Variants in LUZP2 observed in about 807,000 individuals in gnomAD.
LUZP2 encodes leucine zipper protein 2.
A neutral mutation model predicts 51.6 loss-of-function variants in LUZP2; 52 were observed. The observed-to-expected ratio is 1.01, with a 90% CI of 0.81 to 1.27. LUZP2 has a LOEUF of 1.27. Among genes scored for constraint, LUZP2 ranks in the 50% most tolerant of loss-of-function variants. The probability of loss-of-function intolerance (pLI) is 0.00; values close to 1 mark genes in which losing one functional copy is unlikely to be tolerated. For missense variants in LUZP2, 436 were observed against 395.4 expected, an observed-to-expected ratio of 1.10 and a Z score of -0.87; for synonymous variants, 154 against 137.3, an observed-to-expected ratio of 1.12 and a Z score of -0.85.
chr11:24,988,521 A>G lies in LUZP2; in HGVS notation c.765+5228A>G, dbSNP rs561609673. Among the ~76,000 whole-genome samples, 124 of 152,188 alleles carry G rather than the reference A, an allele frequency of 8.1e-4. 2 individuals are homozygous for G. The South Asian group carries it at 0.025, about 30-fold the overall frequency. On this transcript the variant is annotated intron_variant, in intron 9 of 11. Coordinates refer to ENST00000336930, the MANE Select transcript of LUZP2 (RefSeq NM_001009909.4). ...TTGTTACTTTATTATGAGACATGTT[A>G]CTGAATGTTAGAAGAATCTATGGAT...
chr11:24,978,024 C>A (rs1357278976), intron 8 of LUZP2, among the ~76,000 whole-genome samples: 2 of 151,170 alleles, frequency 1.3e-5, no homozygotes, highest in Non-Finnish European at 3.0e-5. Context: ...TGCAATAATT[C>A]ATTTATTTTG....
chr11:25,037,603 T>C (rs146743477), intron 9 of LUZP2, among the ~76,000 whole-genome samples: 3 of 152,308 alleles, frequency 2.0e-5, no homozygotes, highest in African/African-American at 7.2e-5. Flanking sequence ...GTGCAGTTTT[T>C]TTAAATCTAT....
intron 2 of LUZP2, among the ~76,000 whole-genome samples, chr11:24,729,643 A>G (rs1858639413): frequency 6.6e-6 from 1 of 151,982 alleles, no homozygotes. Flanking sequence ...TCCCCACGGG[A>G]TAATTCTTAA....
intron 5 of LUZP2, among the ~76,000 whole-genome samples, chr11:24,827,325 A>C (rs932319094): frequency 1.3e-5 from 2 of 152,206 alleles, no homozygotes; most frequent in African/African-American, 4.8e-5. Flanking sequence ...AAGATAACTT[A>C]CAATATCTTT....
intron 5 of LUZP2, among the ~76,000 whole-genome samples, chr11:24,783,082 T>C (rs1290580487): frequency 6.6e-6 from 1 of 152,066 alleles, no homozygotes; most frequent in Non-Finnish European, 1.5e-5. Flanking sequence ...CTATAGACTT[T>C]GAAATAAATG....
chr11:24,687,599 T>C (rs779142367), intron 1 of LUZP2, among the ~76,000 whole-genome samples: 2 of 152,176 alleles, frequency 1.3e-5, no homozygotes, highest in African/African-American at 2.4e-5. Flanking sequence ...ATCATATCTT[T>C]CTTAAGTTCA....
intron 1 of LUZP2, among the ~76,000 whole-genome samples, chr11:24,552,088 A>C (rs544780831): frequency 6.6e-6 from 1 of 152,198 alleles, no homozygotes; most frequent in Non-Finnish European, 1.5e-5. Context: ...TTATAAGGCT[A>C]GTGTGATATG....
intron 7 of LUZP2, among the ~76,000 whole-genome samples, chr11:24,939,571 GA>G (rs1017856138): frequency 6.6e-6 from 1 of 151,830 alleles, no homozygotes; most frequent in Admixed American, 6.6e-5. Flanking sequence ...AAAAAAGGGA[GA>G]AAAAAATCCA....
At chr11:25,000,726 G>C (rs1303328109) in intron 9 of LUZP2, among the ~76,000 whole-genome samples, 2 of 152,158 alleles carry the variant, frequency 1.3e-5, no homozygotes, top group Non-Finnish European at 2.9e-5. Flanking sequence ...TAGTATCCCT[G>C]ACTGGTTAGT....
At chr11:24,922,939 C>T (rs573416969) in intron 7 of LUZP2, among the ~76,000 whole-genome samples, 1 of 148,770 alleles carries the variant, frequency 6.7e-6, no homozygotes, top group South Asian at 2.1e-4. Context: ...AGCTCCGCCT[C>T]CCGGGTTCAT....
chr11:24,601,737 A>G (rs1470250221), intron 1 of LUZP2, among the ~76,000 whole-genome samples: 1 of 151,080 alleles, frequency 6.6e-6, no homozygotes, highest in African/African-American at 2.4e-5. Context: ...CCAGCAACCA[A>G]GACACAATAC....
At chr11:24,738,359 T>A (rs1859019751) in intron 4 of LUZP2, 57 bp downstream of exon 4, 1 of 1,241,056 alleles carries the variant, frequency 8.1e-7, no homozygotes, top group African/African-American at 1.5e-5. Flanking sequence ...TGTTACTTTC[T>A]TTTTCCAAAA....
chr11:24,525,317 G>T (rs915468863), intron 1 of LUZP2, among the ~76,000 whole-genome samples: 64 of 151,664 alleles, frequency 4.2e-4, no homozygotes, highest in African/African-American at 1.5e-3. Context: ...CAAAGGTAGA[G>T]AAATTGCCTG....
chr11:25,068,375 A>G (rs1027383026), intron 10 of LUZP2, among the ~76,000 whole-genome samples: 3 of 152,104 alleles, frequency 2.0e-5, no homozygotes, highest in Non-Finnish European at 2.9e-5. Context: ...AATTTAATTT[A>G]GTAATAGAGT....
chr11:24,823,915 T>C (rs1358946006), intron 5 of LUZP2, among the ~76,000 whole-genome samples: 1 of 151,734 alleles, frequency 6.6e-6, no homozygotes, highest in Admixed American at 6.6e-5. Context: ...TACAAAAAAT[T>C]AGCCAGGTGT....
At position 25,028,398 on chromosome 11, in the gene LUZP2, G is replaced by A. The variant is rs563227517; in HGVS notation, c.766-21640G>A. On this transcript the variant is annotated intron_variant, in intron 9 of 11. Transcript: ENST00000336930. Reference sequence around the variant, plus strand: ...GCTTATGGGAACCATCATTCTGAGTGTCCATCAACAGACAAATGGATGAAG... The same window carrying A: ...GCTTATGGGAACCATCATTCTGAGTATCCATCAACAGACAAATGGATGAAG... Among the ~76,000 whole-genome samples, 10 of 152,122 alleles carry A rather than the reference G, an allele frequency of 6.6e-5. No individual in the cohort carries two copies. The South Asian group carries it at 2.1e-3, about 32-fold the overall frequency.
At chr11:24,601,906 A>T (rs11028050) in intron 1 of LUZP2, among the ~76,000 whole-genome samples, 2 of 114,672 alleles carry the variant, frequency 1.7e-5, no homozygotes, top group Non-Finnish European at 3.6e-5. Context: ...GTATATATGT[A>T]TATATGTATA....
intron 1 of LUZP2, among the ~76,000 whole-genome samples, chr11:24,518,673 G>A (rs970920195): frequency 6.6e-6 from 1 of 152,106 alleles, no homozygotes; most frequent in African/African-American, 2.4e-5. Context: ...CACTGTTTGT[G>A]CCTAGTTCAA....
chr11:24,996,329 A>G (rs1470183702), intron 9 of LUZP2, among the ~76,000 whole-genome samples: 2 of 150,804 alleles, frequency 1.3e-5, no homozygotes, highest in African/African-American at 2.4e-5. Context: ...TCTCTCTCCA[A>G]TTAACTACTT....
Sources: allele counts gnomAD v4.1 joint callset (sites outside exome capture counted in the v4.1 genomes callset), GRCh38; gene constraint gnomAD v4.1.1; transcripts MANE v1.5; gene names NCBI Gene and HGNC (gene_info 2026-07-23, HGNC 2026-07-21).